Variants in GAREM1 observed in about 807,000 individuals in gnomAD.
The protein encoded by GAREM1 is GRB2 associated regulator of MAPK1 subtype 1.
Under a neutral mutation model 71.3 loss-of-function variants are expected in GAREM1, and 26 were observed. The observed-to-expected ratio is 0.36, with a 90% confidence interval of 0.27 to 0.51. The LOEUF (loss-of-function observed/expected upper bound fraction) is 0.51. Ranked by LOEUF, GAREM1 falls within the 20% of genes least tolerant of loss-of-function variation. The pLI is 0.95. For missense variants in GAREM1, 1,026 were observed against 1,103.1 expected (o/e 0.93, Z 0.99); for synonymous variants, 440 against 433.2 (o/e 1.02, Z -0.20).
intron 1 of GAREM1, chr18:32,413,163 T>C (rs2048436808): frequency 1.3e-6 from 2 of 1,591,600 alleles, no homozygotes; most frequent in Non-Finnish European, 1.7e-6. Flanking sequence ...TTTAGGAGAC[T>C]CTGACTTAGA....
At chr18:32,368,040 C>CT (rs2047942685) in intron 2 of GAREM1, among the ~76,000 whole-genome samples, 1 of 149,218 alleles carries the variant, frequency 6.7e-6, no homozygotes, top group Non-Finnish European at 1.5e-5. Context: ...ACCCCCCTTT[C>CT]TTTTATCTCC....
intron 3 of GAREM1, among the ~76,000 whole-genome samples, chr18:32,306,167 C>T (rs1281095406): frequency 1.3e-5 from 2 of 152,122 alleles, no homozygotes; most frequent in Admixed American, 1.3e-4. Context: ...GTTCTCAGTC[C>T]TCATCTAATT....
chr18:32,405,613 A>G (rs1314649933), intron 1 of GAREM1, among the ~76,000 whole-genome samples: 2 of 152,210 alleles, frequency 1.3e-5, no homozygotes, highest in Non-Finnish European at 2.9e-5. Context: ...CTGTCCTTGC[A>G]GTTAAGTGTG....
At chr18:32,403,733 G>A (rs1010295848) in intron 1 of GAREM1, among the ~76,000 whole-genome samples, 1 of 152,142 alleles carries the variant, frequency 6.6e-6, no homozygotes, top group Non-Finnish European at 1.5e-5. Context: ...GAGCCACTGT[G>A]CCCAGCCCTG....
intron 2 of GAREM1, among the ~76,000 whole-genome samples, chr18:32,321,325 G>C (rs758556828): frequency 3.3e-5 from 5 of 152,048 alleles, no homozygotes; most frequent in South Asian, 2.1e-4. Context: ...CTTTGCCTTT[G>C]CTCATGCTCT....
chr18:32,457,123 GTT>G (rs1430502474), intron 1 of GAREM1, among the ~76,000 whole-genome samples: 1 of 142,084 alleles, frequency 7.0e-6, no homozygotes, highest in African/African-American at 2.6e-5. Flanking sequence ...AAGGAAGAAA[GTT>G]TGTTAAAAAG....
At position 32,415,967 on chromosome 18, in the gene GAREM1, GA is replaced by G. The variant is rs2048462408; in HGVS notation, c.122-22933del. ...CAGATGATATATGATTTTATATCTG[GA>G]AAAAACTAAAGGCTCCACCAAAAAA... On this transcript the variant is annotated intron_variant, in intron 1 of 5. Transcript: ENST00000269209. Among the ~76,000 whole-genome samples the G allele has an allele frequency of 2.0e-5, 3 of 152,046 alleles. No individual in the cohort carries two copies. The South Asian group carries it at 6.2e-4, about 32-fold the overall frequency.
At chr18:32,298,618 T>G (rs992931584) in intron 3 of GAREM1, among the ~76,000 whole-genome samples, 1 of 152,158 alleles carries the variant, frequency 6.6e-6, no homozygotes, top group African/African-American at 2.4e-5. Context: ...AAGAAACATT[T>G]TGAAACACTG....
At chr18:32,454,043 A>G (rs1395032102) in intron 1 of GAREM1, among the ~76,000 whole-genome samples, 2 of 152,174 alleles carry the variant, frequency 1.3e-5, no homozygotes, top group East Asian at 1.9e-4. Flanking sequence ...AGAAAAAATT[A>G]CACTATGGTT....
intron 4 of GAREM1, among the ~76,000 whole-genome samples, chr18:32,275,573 G>A (rs527935745): frequency 1.2e-4 from 18 of 152,182 alleles, no homozygotes; most frequent in Admixed American, 9.8e-4. Context: ...GCGGATACAC[G>A]GAGTACCCAA....
At chr18:32,284,233 T>TA (rs977453945) in intron 4 of GAREM1, among the ~76,000 whole-genome samples, 177 of 152,012 alleles carry the variant, frequency 1.2e-3, no homozygotes, top group Middle Eastern at 6.8e-3. Flanking sequence ...CTAATTTTTT[T>TA]AAAAAAAACA....
rs550284572 is a variant in GAREM1, at chr18:32,419,091, G to A, written c.122-26056C>T. ...GACTGAAGTCCCTGTCCTTTTGCTG[G>A]GTATTCACTGGAAACTGCTCTTGAT... On this transcript the variant is annotated intron_variant, in intron 1 of 5. Transcript: ENST00000269209. Among the ~76,000 whole-genome samples the A allele has an allele frequency of 2.6e-5, 4 of 152,236 alleles. No individual in the cohort carries two copies. The East Asian group carries it at 7.7e-4, about 29-fold the overall frequency.
chr18:32,425,443 T>C (rs1599038568), intron 1 of GAREM1, among the ~76,000 whole-genome samples: 3 of 152,226 alleles, frequency 2.0e-5, no homozygotes, highest in Admixed American at 2.0e-4. Context: ...AGTCTGCTAA[T>C]TGATCAGTTC....
At chr18:32,312,173 A>T (rs1598952312) in intron 2 of GAREM1, among the ~76,000 whole-genome samples, 1 of 152,342 alleles carries the variant, frequency 6.6e-6, no homozygotes, top group East Asian at 1.9e-4. Context: ...GTCAGGAGAG[A>T]AGTCTGGCTG....
intron 2 of GAREM1, among the ~76,000 whole-genome samples, chr18:32,312,730 G>T (rs530821434): frequency 6.6e-5 from 10 of 152,324 alleles, no homozygotes; most frequent in African/African-American, 2.4e-4. Context: ...GGAATGACCA[G>T]CAGAGGGGAA....
chr18:32,282,585 G>T (rs148097809), intron 4 of GAREM1, among the ~76,000 whole-genome samples: 124 of 152,282 alleles, frequency 8.1e-4, no homozygotes, highest in Non-Finnish European at 1.2e-3. Flanking sequence ...ACCCAGGCTG[G>T]AGTATAGTGG....
chr18:32,432,075 CAGAG>C (rs747990856), intron 1 of GAREM1, among the ~76,000 whole-genome samples: 4 of 151,944 alleles, frequency 2.6e-5, no homozygotes, highest in Non-Finnish European at 4.4e-5. Context: ...ATTATTCAAA[CAGAG>C]AGAAATGGCA....
At chr18:32,358,728 C>T (rs992540703) in intron 2 of GAREM1, among the ~76,000 whole-genome samples, 2 of 152,034 alleles carry the variant, frequency 1.3e-5, no homozygotes, top group Non-Finnish European at 2.9e-5. Context: ...ATCCTGGTGG[C>T]CTTATCAATA....
intron 1 of GAREM1, among the ~76,000 whole-genome samples, chr18:32,441,364 C>T (rs1442331920): frequency 6.6e-6 from 1 of 152,076 alleles, no homozygotes; most frequent in African/African-American, 2.4e-5. Context: ...AACTCAGCTG[C>T]GGTTGTTATG....
Sources: allele counts gnomAD v4.1 joint callset (sites outside exome capture counted in the v4.1 genomes callset), GRCh38; gene constraint gnomAD v4.1.1; transcripts MANE v1.5; gene names NCBI Gene and HGNC (gene_info 2026-07-23, HGNC 2026-07-21).